CD27: variants seen among roughly 807,000 people sequenced by gnomAD.
CD27 encodes the protein CD27 molecule.
CD27 carries 16 observed loss-of-function variants against 25.9 expected under a neutral mutation model. The ratio of observed to expected loss-of-function variants is 0.62; its 90% CI spans 0.42 to 0.94. The LOEUF (loss-of-function observed/expected upper bound fraction) is 0.94, where lower values mean the gene tolerates loss of function less well. Ranked by LOEUF, CD27 falls within the 40% of genes least tolerant of loss-of-function variation. CD27 has a pLI of 0.00. For missense variants in CD27, 300 were observed against 333.2 expected, an observed-to-expected ratio of 0.90 and a Z score of 0.78; for synonymous variants, 142 against 124.3, an observed-to-expected ratio of 1.14 and a Z score of -0.95.
chr12:6,451,201 C>A, intron 5 of CD27, 67 bp from the exon 6 acceptor site: 1 of 1,589,338 alleles, frequency 6.3e-7, no homozygotes, highest in Non-Finnish European at 8.6e-7. Flanking sequence ...CCGCCTCTAC[C>A]CATCTCCTTC....
intron 2 of CD27, among the ~76,000 whole-genome samples, chr12:6,449,328 T>C (rs927204045): frequency 9.0e-5 from 13 of 145,228 alleles, no homozygotes; most frequent in Non-Finnish European, 1.7e-4. Flanking sequence ...TTTTTTTTTT[T>C]TTTGAGACGG....
At chr12:6,451,174 C>T (rs1185341956) in intron 5 of CD27, 94 bp from the exon 6 acceptor site, 9 of 1,540,424 alleles carry the variant, frequency 5.8e-6, no homozygotes, top group East Asian at 4.5e-5. Context: ...CTCCTGACAC[C>T]CCTCCCCCAA....
upstream of CD27, among the ~76,000 whole-genome samples, chr12:6,444,608 G>T (rs1225847531): frequency 7.1e-6 from 1 of 141,018 alleles, no homozygotes; most frequent in Non-Finnish European, 1.5e-5. Flanking sequence ...AGGGATGCAG[G>T]TATGGGAGAC....
rs901358851 is a variant in CD27 at position 6,445,375 on chromosome 12, C to A, written c.137-49C>A. 2.5e-6 allele frequency: 4 copies of A among 1,612,178 alleles called. No individual in the cohort carries two copies. In the African/African-American group the frequency reaches 4.0e-5, roughly 16 times the overall value. ...TGGGGAGGCACCACCTTGAAGAGGG[C>A]AGAGAACCAGCCCTTCTCAGGCCTT... On this transcript the variant is annotated intron_variant, in intron 1 of 5. Transcript: ENST00000266557. The surrounding 1 kb of genome is among the most constrained non-coding windows in gnomAD (Gnocchi z 4.5).
At chr12:6,449,660 C>G (rs1949482933) in intron 2 of CD27, among the ~76,000 whole-genome samples, 1 of 151,992 alleles carries the variant, frequency 6.6e-6, no homozygotes, top group South Asian at 2.1e-4. Flanking sequence ...ACCAGCCTGG[C>G]CAATACAGTA....
In CD27 at chr12:6,451,216, G is replaced by C. The variant is rs943278522; in HGVS notation, c.659-52G>C. The C allele has an allele frequency of 4.4e-6, 7 of 1,596,480 alleles. No individual in the cohort carries two copies. The African/African-American group carries it at 9.4e-5, about 22-fold the overall frequency. On this transcript the variant is annotated intron_variant, in intron 5 of 5. Coordinates refer to ENST00000266557, the MANE Select transcript of CD27 (RefSeq NM_001242.5). ...CCGCCTCTACCCATCTCCTTCTCCC[G>C]TCTCCCCCTGCCCCCACTGCTGGCC...
chr12:6,451,376 CT>C lies in CD27; in HGVS notation c.768del (p.Ala257ProfsTer29). ...PIQEDYRKPEPACSP is the reference protein window; with the variant it reads ...PIQEDYRKPEXACSP Reference sequence around the variant, plus strand: ...CAGGAGGATTACCGAAAACCGGAGCCTGCCTGCTCCCCCTGAGCCAGCACCT... The same window carrying C: ...CAGGAGGATTACCGAAAACCGGAGCCGCCTGCTCCCCCTGAGCCAGCACCT... On this transcript the variant is annotated frameshift_variant, in exon 6 of 6. Transcript: ENST00000266557. LOFTEE classifies it high-confidence loss of function. 6.2e-7 allele frequency: 1 copy of C among 1,613,360 alleles called. No homozygotes were observed. Among genetic ancestry groups the C allele is most frequent in the Non-Finnish European group, 8.5e-7 (1 of 1,179,958 alleles).
chr12:6,444,923 G>GAA, upstream of CD27: 52 of 574,054 alleles, frequency 9.1e-5, no homozygotes, highest in South Asian at 1.3e-4. Context: ...CTATGAGAGA[G>GAA]AAAAAAAAAA....
chr12:6,444,424 G>C (rs561632554), upstream of CD27, among the ~76,000 whole-genome samples: 19 of 152,202 alleles, frequency 1.2e-4, no homozygotes, highest in African/African-American at 4.6e-4. Flanking sequence ...TGTTGCGTTT[G>C]ATTATGAGAC....
At position 6,445,488 on chromosome 12, in the gene CD27, G is replaced by A. The variant is rs756644852; in HGVS notation, c.201G>A (p.Pro67=). 17 of 1,613,854 alleles carry A rather than the reference G, an allele frequency of 1.1e-5. No individual in the cohort carries two copies. The highest frequency in any genetic ancestry group is 3.3e-4 in the Middle Eastern group (2 of 6,062). The change falls in exon 2 of 6, where the codon CCG becomes CCA. Residue 67 remains proline (P), a synonymous_variant. Coordinates refer to ENST00000266557, the MANE Select transcript of CD27 (RefSeq NM_001242.5). This position sits in a 1 kb window ranked among gnomAD's most constrained non-coding sequence, Gnocchi z 4.5. The part of the protein sequence containing the change: ...RKAAQCDPCI[P]GVSFSPDHHT... ...CTGCTCAGTGTGATCCTTGCATACC[G>A]GGGGTCTCCTTCTCTCCTGACCACC... is the stretch of plus-strand genomic sequence containing the variant.
chr12:6,449,563 T>A (rs142745106), intron 2 of CD27, among the ~76,000 whole-genome samples: 3 of 152,174 alleles, frequency 2.0e-5, no homozygotes, highest in Non-Finnish European at 2.9e-5. Flanking sequence ...TATTAAAGTA[T>A]TGGGGCCGAG....
In CD27 at chr12:6,451,028, C is replaced by T. The variant is rs768843825; in HGVS notation, c.658+14C>T. The T allele has an allele frequency of 1.2e-6, 2 of 1,613,948 alleles. No homozygotes were observed. The highest frequency in any genetic ancestry group is 1.7e-6 in the Non-Finnish European group (2 of 1,179,976). ...AATATAGATCAAGTAAGAGACAGAA[C>T]ACAGGCCTCCGGTCCTGCCCCTGCA... On this transcript the variant is annotated intron_variant, in intron 5 of 5. Transcript: ENST00000266557.
Position 6,445,080 on chromosome 12 carries a change from CGCCTGGG to C in CD27, c.-15_-9del, listed in dbSNP as rs1212851279. ...TCAGCAACTGGGCACAGAAAGGAGC[CGCCTGGG>C]CAGGGACCATGGCACGGCCACATCC... On this transcript the variant is annotated 5_prime_UTR_variant, in exon 1 of 6. Coordinates refer to ENST00000266557, the MANE Select transcript of CD27 (RefSeq NM_001242.5). The surrounding 1 kb of genome is among the most constrained non-coding windows in gnomAD (Gnocchi z 4.5). 1 of 1,594,974 alleles carries C rather than the reference CGCCTGGG, an allele frequency of 6.3e-7. No individual in the cohort carries two copies. The highest frequency in any genetic ancestry group is 8.5e-7 in the Non-Finnish European group (1 of 1,173,028).
At chr12:6,451,173 C>A (rs1949537044) in intron 5 of CD27, 95 bp from the exon 6 acceptor site, 1 of 1,537,406 alleles carries the variant, frequency 6.5e-7, no homozygotes, top group Admixed American at 1.7e-5. Flanking sequence ...GCTCCTGACA[C>A]CCCTCCCCCA....
rs1360245822 is a variant in CD27, at chr12:6,445,266, G to A, written c.136+35G>A. The A allele has an allele frequency of 1.2e-6, 2 of 1,612,708 alleles. No individual in the cohort carries two copies. Among genetic ancestry groups the A allele is most frequent in the Non-Finnish European group, 1.7e-6 (2 of 1,179,580 alleles). On this transcript the variant is annotated intron_variant, in intron 1 of 5. Coordinates refer to ENST00000266557, the MANE Select transcript of CD27 (RefSeq NM_001242.5). This position sits in a 1 kb window ranked among gnomAD's most constrained non-coding sequence, Gnocchi z 4.5. ...GGCCTTGGTAAGGGCCAGGTGAGTG[G>A]CGAAAGAGAGAGGACTGGGGTTAAT...
In CD27 at chr12:6,450,503, G is replaced by A. The variant is rs1418167071; in HGVS notation, c.449-38G>A. On this transcript the variant is annotated intron_variant, in intron 3 of 5. Coordinates refer to ENST00000266557, the MANE Select transcript of CD27 (RefSeq NM_001242.5). This position sits in a 1 kb window ranked among gnomAD's most constrained non-coding sequence, Gnocchi z 4.1. ...CAGGCCTTCAGATGTGCCCTATGGG[G>A]TCCCCTGCTGCTACTCATTCTGTCT... The A allele has an allele frequency of 6.3e-7, 1 of 1,596,546 alleles. No individual in the cohort carries two copies. The highest frequency in any genetic ancestry group is 8.6e-7 in the Non-Finnish European group (1 of 1,165,902).
At chr12:6,447,444 G>C (rs893339939) in intron 2 of CD27, 4 of 152,148 alleles carry the variant, frequency 2.6e-5, no homozygotes, top group African/African-American at 9.7e-5. Flanking sequence ...AATGCAGTCA[G>C]GGGTGAGAAG....
At chr12:6,446,309 T>A (rs1949416287) in intron 2 of CD27, among the ~76,000 whole-genome samples, 1 of 152,232 alleles carries the variant, frequency 6.6e-6, no homozygotes. Context: ...GGTTTTGTTT[T>A]GTTTAGTTTA....
rs1282875832 is a variant in CD27, at chr12:6,450,601, C to T, written c.509C>T (p.Pro170Leu). 2 of 1,612,842 alleles carry T rather than the reference C, an allele frequency of 1.2e-6. No individual in the cohort carries two copies. Among genetic ancestry groups the T allele is most frequent in the Non-Finnish European group, 1.7e-6 (2 of 1,180,018 alleles). Reference protein sequence around the residue: ...MQTLADFRQLPARTLSTHWPP... With the variant: ...MQTLADFRQLLARTLSTHWPP... Reference sequence around the variant, plus strand: ...ACTCTGGCTGACTTCAGGCAGCTGCCTGCCCGGACTCTCTCTACCCACTGG... The same window carrying T: ...ACTCTGGCTGACTTCAGGCAGCTGCTTGCCCGGACTCTCTCTACCCACTGG... Residue 170 changes from proline to leucine, a missense_variant, in exon 4 of 6, where the codon CCT becomes CTT. Coordinates refer to ENST00000266557, the MANE Select transcript of CD27 (RefSeq NM_001242.5). This position sits in a 1 kb window ranked among gnomAD's most constrained non-coding sequence, Gnocchi z 4.1.
Sources: allele counts gnomAD v4.1 joint callset (sites outside exome capture counted in the v4.1 genomes callset), GRCh38; gene constraint gnomAD v4.1.1; non-coding constraint Gnocchi (gnomAD v3.1); transcripts MANE v1.5; gene names NCBI Gene and HGNC (gene_info 2026-07-23, HGNC 2026-07-21).